TTLL11: variants seen among roughly 807,000 people sequenced by gnomAD.
The protein encoded by TTLL11 is tubulin polyglutamylase TTLL11.
In TTLL11, 42 loss-of-function variants were observed where a neutral mutation model predicts 51.7. The observed-to-expected ratio is 0.81, with a 90% CI of 0.64 to 1.05. The LOEUF (loss-of-function observed/expected upper bound fraction) is 1.05, where lower values mean the gene tolerates loss of function less well. TTLL11 is among the 50% of genes least tolerant of loss of function. The pLI is 0.00. For missense variants in TTLL11, 799 were observed against 940.4 expected, an observed-to-expected ratio of 0.85 and a Z score of 1.97; for synonymous variants, 381 against 383.5, an observed-to-expected ratio of 0.99 and a Z score of 0.08.
intron 6 of TTLL11, among the ~76,000 whole-genome samples, chr9:121,908,058 G>T (rs771913047): frequency 6.6e-6 from 1 of 152,148 alleles, no homozygotes; most frequent in Non-Finnish European, 1.5e-5. Flanking sequence ...AGGAGTAGGT[G>T]AACAAAGAAG....
At chr9:121,915,503 A>G (rs746452498) in intron 6 of TTLL11, among the ~76,000 whole-genome samples, 3 of 152,166 alleles carry the variant, frequency 2.0e-5, no homozygotes, top group Non-Finnish European at 4.4e-5. Context: ...TCGTATTCTA[A>G]TTGCTTAGAT....
chr9:121,934,305 G>A (rs1841112366), intron 6 of TTLL11, among the ~76,000 whole-genome samples: 1 of 151,988 alleles, frequency 6.6e-6, no homozygotes, highest in South Asian at 2.1e-4. Context: ...TTTTACCCAT[G>A]CCAAACTATA....
chr9:121,842,551 T>C (rs1158285492), intron 8 of TTLL11, among the ~76,000 whole-genome samples: 3 of 152,224 alleles, frequency 2.0e-5, no homozygotes, highest in African/African-American at 7.2e-5. Flanking sequence ...CATGAGCTAC[T>C]GTGTGCCTGG....
intron 6 of TTLL11, among the ~76,000 whole-genome samples, chr9:121,931,581 ATT>A (rs199825313): frequency 1.2e-5 from 1 of 80,384 alleles, no homozygotes; most frequent in African/African-American, 4.6e-5. Flanking sequence ...TGTTTCTACT[ATT>A]TAAAAAAAAA....
At chr9:121,835,136 G>A (rs976936684) in intron 8 of TTLL11, among the ~76,000 whole-genome samples, 5 of 152,130 alleles carry the variant, frequency 3.3e-5, no homozygotes, top group African/African-American at 7.2e-5. Context: ...TGATCTCCGA[G>A]GATTCCACAA....
At chr9:121,839,361 A>G (rs1220788430) in intron 8 of TTLL11, among the ~76,000 whole-genome samples, 2 of 152,176 alleles carry the variant, frequency 1.3e-5, no homozygotes, top group Non-Finnish European at 2.9e-5. Context: ...GAAAAAATCC[A>G]GGCTTGATAT....
chr9:121,994,276 T>C (rs1337067375), intron 3 of TTLL11, among the ~76,000 whole-genome samples: 1 of 152,032 alleles, frequency 6.6e-6, no homozygotes, highest in Non-Finnish European at 1.5e-5. Flanking sequence ...TGGGAAACTG[T>C]AGATAGTTCC....
chr9:121,830,052 C>T (rs2119121099), intron 8 of TTLL11, among the ~76,000 whole-genome samples: 1 of 152,274 alleles, frequency 6.6e-6, no homozygotes, highest in South Asian at 2.1e-4. Context: ...CCCAGCATAG[C>T]CTGGCACACA....
intron 3 of TTLL11, among the ~76,000 whole-genome samples, chr9:121,998,860 G>C (rs7861412): frequency 6.6e-6 from 1 of 151,760 alleles, no homozygotes; most frequent in Non-Finnish European, 1.5e-5. Context: ...GGCTAGTCTC[G>C]AACTCCTGAG....
At chr9:122,000,655 T>C (rs1018157037) in intron 3 of TTLL11, among the ~76,000 whole-genome samples, 3 of 152,130 alleles carry the variant, frequency 2.0e-5, no homozygotes, top group Admixed American at 6.5e-5. Context: ...AGTTACACTA[T>C]ATGGTCTAAA....
intron 6 of TTLL11, among the ~76,000 whole-genome samples, chr9:121,882,526 C>T (rs1237986763): frequency 6.6e-6 from 1 of 152,208 alleles, no homozygotes; most frequent in Admixed American, 6.5e-5. Flanking sequence ...GGCTCCTGCA[C>T]CCATGCACTC....
intron 1 of TTLL11, among the ~76,000 whole-genome samples, chr9:122,053,689 C>A (rs760052199): frequency 1.3e-5 from 2 of 152,116 alleles, no homozygotes; most frequent in Non-Finnish European, 2.9e-5. Flanking sequence ...GCGCAGGGAG[C>A]AGGGCTGGGG....
chr9:121,887,931 G>A (rs945164886), intron 6 of TTLL11, among the ~76,000 whole-genome samples: 2 of 152,096 alleles, frequency 1.3e-5, no homozygotes, highest in African/African-American at 4.8e-5. Context: ...ACACCCAGTG[G>A]GGGTCTGGAG....
chr9:122,033,365 G>A (rs1428560530), intron 2 of TTLL11, among the ~76,000 whole-genome samples: 1 of 152,056 alleles, frequency 6.6e-6, no homozygotes, highest in Non-Finnish European at 1.5e-5. Flanking sequence ...CACCCCCCTC[G>A]GCCTCCCAAA....
At chr9:121,886,522 G>T (rs1588095257) in intron 6 of TTLL11, among the ~76,000 whole-genome samples, 1 of 152,322 alleles carries the variant, frequency 6.6e-6, no homozygotes. Flanking sequence ...GCTGGAAAAG[G>T]CAAGGAAGGA....
intron 6 of TTLL11, among the ~76,000 whole-genome samples, chr9:121,946,713 A>G (rs993448729): frequency 3.3e-5 from 5 of 152,154 alleles, no homozygotes; most frequent in Non-Finnish European, 7.4e-5. Context: ...TGCATATTTG[A>G]ATCACTGGTG....
Position 122,080,991 on chromosome 9 carries a change from C to T in TTLL11, c.462+11696G>A, listed in dbSNP as rs150572445. ...CCAGAAGAAATACTGGAAAGAAATGCTTCAACGTGAAAGCAGTCATTCCAT... is the reference window on the plus strand; with the variant it reads ...CCAGAAGAAATACTGGAAAGAAATGTTTCAACGTGAAAGCAGTCATTCCAT... On this transcript the variant is annotated intron_variant, in intron 1 of 8. Transcript: ENST00000321582. Among the ~76,000 whole-genome samples, 171 of 152,276 alleles carry T rather than the reference C, an allele frequency of 1.1e-3. 1 individual carries two copies. Among genetic ancestry groups the T allele is most frequent in the African/African-American group, 3.9e-3 (163 of 41,560 alleles).
chr9:121,850,174 A>G (rs1837627503), intron 8 of TTLL11, among the ~76,000 whole-genome samples: 5 of 151,952 alleles, frequency 3.3e-5, no homozygotes, highest in African/African-American at 1.2e-4. Context: ...ACAGAGAGAT[A>G]AATAGATACA....
chr9:122,077,201 T>C (rs1845886192), intron 1 of TTLL11, among the ~76,000 whole-genome samples: 1 of 152,100 alleles, frequency 6.6e-6, no homozygotes, highest in South Asian at 2.1e-4. Context: ...TAAAATAGAA[T>C]AGCAAACAAA....
Sources: allele counts gnomAD v4.1 joint callset (sites outside exome capture counted in the v4.1 genomes callset), GRCh38; gene constraint gnomAD v4.1.1; transcripts MANE v1.5; gene names NCBI Gene and HGNC (gene_info 2026-07-23, HGNC 2026-07-21).